Variants in FAF1 observed in about 807,000 individuals in gnomAD.
FAF1 encodes Fas associated factor 1.
FAF1 carries 25 observed loss-of-function variants against 92.5 expected under a neutral mutation model. The ratio of observed to expected loss-of-function variants is 0.27; its 90% CI spans 0.20 to 0.38. The LOEUF is 0.38. Among genes scored for constraint, FAF1 ranks in the 10% least tolerant of loss-of-function variants. FAF1 has a pLI of 1.00. For synonymous variants in FAF1, 234 were observed against 273.2 expected (o/e 0.86, Z 1.42); for missense variants, 636 against 793.3 (o/e 0.80, Z 2.38).
intron 3 of FAF1, among the ~76,000 whole-genome samples, chr1:50,790,750 T>G (rs1345819305): frequency 6.6e-6 from 1 of 152,100 alleles, no homozygotes; most frequent in Non-Finnish European, 1.5e-5. Flanking sequence ...TTAAGAACAA[T>G]GTTCAATTGT....
At chr1:50,590,358 C>T (rs751274269) in intron 9 of FAF1, among the ~76,000 whole-genome samples, 31 of 152,090 alleles carry the variant, frequency 2.0e-4, no homozygotes, top group Non-Finnish European at 3.8e-4. Flanking sequence ...ACAAGTCTCC[C>T]GCTTCTTTTA....
chr1:50,871,687 G>T (rs1287002129), intron 1 of FAF1, among the ~76,000 whole-genome samples: 1 of 152,136 alleles, frequency 6.6e-6, no homozygotes, highest in Non-Finnish European at 1.5e-5. Context: ...ACTATTCATT[G>T]ACAATGCACT....
At chr1:50,929,119 T>C (rs1457541045) in intron 1 of FAF1, among the ~76,000 whole-genome samples, 1 of 147,398 alleles carries the variant, frequency 6.8e-6, no homozygotes, top group African/African-American at 2.5e-5. Context: ...CTGGGAAGGC[T>C]AGCAAAATGA....
At chr1:50,704,274 A>AG (rs1657586511) in intron 7 of FAF1, among the ~76,000 whole-genome samples, 1 of 152,092 alleles carries the variant, frequency 6.6e-6, no homozygotes, top group Non-Finnish European at 1.5e-5. Context: ...AACAGAAACT[A>AG]GGGGTGGGGG....
chr1:50,567,205 G>A lies in FAF1; in HGVS notation c.1140C>T (p.His380=). ...RDRKLLAIYL[H]HDESVLTNVF... ...CGTTGGTTAACACACTTTCATCATG[G>A]TGGAGGTAGATAGCAAGAAGCTTTC... The change falls in exon 13 of 19, where the codon CAC becomes CAT. Residue 380 remains histidine (H), a synonymous_variant. Coordinates refer to ENST00000396153, the MANE Select transcript of FAF1 (RefSeq NM_007051.3). The A allele has an allele frequency of 4.4e-6, 7 of 1,607,464 alleles. No individual in the cohort carries two copies. The highest frequency in any genetic ancestry group is 1.1e-5 in the South Asian group (1 of 90,166).
intron 1 of FAF1, among the ~76,000 whole-genome samples, chr1:50,913,433 A>G (rs1644899920): frequency 6.6e-6 from 1 of 152,230 alleles, no homozygotes; most frequent in Admixed American, 6.5e-5. Flanking sequence ...TGGTGGCAGA[A>G]CCAGAATCTG....
At chr1:50,926,858 T>C (rs1274975000) in intron 1 of FAF1, among the ~76,000 whole-genome samples, 1 of 152,200 alleles carries the variant, frequency 6.6e-6, no homozygotes, top group Non-Finnish European at 1.5e-5. Flanking sequence ...CCAAAATGTA[T>C]AAACAACTCA....
intron 1 of FAF1, among the ~76,000 whole-genome samples, chr1:50,909,250 A>G (rs1233084619): frequency 6.6e-6 from 1 of 152,236 alleles, no homozygotes; most frequent in Non-Finnish European, 1.5e-5. Context: ...ATCCGCTGTT[A>G]GTCTGATGGA....
intron 13 of FAF1, among the ~76,000 whole-genome samples, chr1:50,547,597 A>G (rs1649092805): frequency 6.6e-6 from 1 of 152,004 alleles, no homozygotes; most frequent in African/African-American, 2.4e-5. Flanking sequence ...TATTTTTAGT[A>G]GAGACAGGGT....
rs186969139 is a variant in FAF1 at position 50,450,572 on chromosome 1, C to T, written c.1870-9049G>A. Among the ~76,000 whole-genome samples the T allele has an allele frequency of 1.7e-3, 258 of 152,308 alleles. 1 individual carries two copies. Among genetic ancestry groups the T allele is most frequent in the South Asian group, 0.012 (59 of 4,826 alleles). The stretch of plus-strand genomic sequence containing the variant: ...TGTCATGGCTTATGTCCCTAATGGG[C>T]TTTGGTGTTCCAAACAGGAACTCAA... On this transcript the variant is annotated intron_variant, in intron 18 of 18. Transcript: ENST00000396153.
intron 6 of FAF1, among the ~76,000 whole-genome samples, chr1:50,720,506 G>C (rs920306394): frequency 1.3e-5 from 2 of 151,944 alleles, no homozygotes; most frequent in Admixed American, 1.3e-4. Context: ...ATACTTTTAC[G>C]GATAAATATT....
At chr1:50,739,029 G>T in intron 5 of FAF1, 75 bp from the exon 6 acceptor site, 1 of 944,578 alleles carries the variant, frequency 1.1e-6, no homozygotes, top group Admixed American at 2.6e-5. Flanking sequence ...TGTAATTCTT[G>T]AAAAATTGTT....
At chr1:50,619,532 T>G (rs1167928166) in intron 8 of FAF1, among the ~76,000 whole-genome samples, 1 of 152,260 alleles carries the variant, frequency 6.6e-6, no homozygotes. Context: ...GGTTGAAATT[T>G]ATTTAAGGAT....
Position 50,567,090 on chromosome 1 carries a change from A to G in FAF1, c.1255T>C (p.Ser419Pro), listed in dbSNP as rs1650208975. The G allele has an allele frequency of 6.2e-7, 1 of 1,606,090 alleles. No homozygotes were observed. The highest frequency in any genetic ancestry group is 1.7e-5 in the Admixed American group (1 of 59,044). The change falls in exon 13 of 19, where the codon TCC becomes CCC. Residue 419 changes from serine to proline, a missense_variant. Coordinates refer to ENST00000396153, the MANE Select transcript of FAF1 (RefSeq NM_007051.3). ...ITWAWDLTKD[S>P]NRARFLTMCN... ...CAACAGTATTACCTTGCTCTGTTGG[A>G]GTCCTTTGTCAGATCCCAAGCCCAG...
chr1:50,860,252 A>G (rs1644421530), intron 1 of FAF1, among the ~76,000 whole-genome samples: 1 of 152,006 alleles, frequency 6.6e-6, no homozygotes, highest in Non-Finnish European at 1.5e-5. Context: ...AAAATTGACA[A>G]GTTAGACCTA....
intron 4 of FAF1, among the ~76,000 whole-genome samples, chr1:50,762,170 C>T (rs948382438): frequency 3.3e-5 from 5 of 152,040 alleles, no homozygotes; most frequent in African/African-American, 1.2e-4. Flanking sequence ...CTACAAACCA[C>T]TGCTCAGTGA....
Position 50,753,613 on chromosome 1 carries a change from T to C in FAF1, c.368-8838A>G, listed in dbSNP as rs534410033. Reference sequence around the variant, plus strand: ...GCTGTTAATCTCATCTGGTGGCTTTTCACTTCAGACATCACAGTCTTCAAC... The same window carrying C: ...GCTGTTAATCTCATCTGGTGGCTTTCCACTTCAGACATCACAGTCTTCAAC... On this transcript the variant is annotated intron_variant, in intron 4 of 18. Coordinates refer to ENST00000396153, the MANE Select transcript of FAF1 (RefSeq NM_007051.3). Among the ~76,000 whole-genome samples, 4 of 152,340 alleles carry C rather than the reference T, an allele frequency of 2.6e-5. No homozygotes were observed. In the East Asian group the frequency reaches 7.7e-4, roughly 29 times the overall value.
chr1:50,727,321 C>T (rs935807542), intron 6 of FAF1, among the ~76,000 whole-genome samples: 5 of 152,150 alleles, frequency 3.3e-5, no homozygotes, highest in African/African-American at 1.2e-4. Context: ...GAAAGCAGGA[C>T]CTTATCTGTC....
intron 1 of FAF1, among the ~76,000 whole-genome samples, chr1:50,900,712 T>C (rs145149567): frequency 1.3e-5 from 2 of 152,220 alleles, no homozygotes; most frequent in African/African-American, 4.8e-5. Flanking sequence ...TCCCTTTCAG[T>C]TAAATACAAA....
Sources: gnomAD v4.1 joint callset for allele counts (sites outside exome capture counted in the v4.1 genomes callset) on GRCh38, gnomAD v4.1.1 for gene constraint, MANE v1.5 for transcripts, NCBI Gene and HGNC (gene_info 2026-07-23, HGNC 2026-07-21) for gene names.